Variants in TUT7 observed in about 807,000 individuals in gnomAD.
TUT7 encodes terminal uridylyl transferase 7.
TUT7 carries 33 observed loss-of-function variants against 165.9 expected under a neutral mutation model. That is an observed-to-expected ratio of 0.20 (90% confidence interval 0.15 to 0.27). The LOEUF is 0.27. Among genes scored for constraint, TUT7 ranks in the 10% least tolerant of loss-of-function variants. The probability of loss-of-function intolerance (pLI) is 1.00; values close to 1 mark genes in which losing one functional copy is unlikely to be tolerated. For synonymous variants in TUT7, 552 were observed against 608.1 expected, an observed-to-expected ratio of 0.91 and a Z score of 1.36; for missense variants, 1,338 against 1,762.3, an observed-to-expected ratio of 0.76 and a Z score of 4.31.
intron 10 of TUT7, among the ~76,000 whole-genome samples, chr9:86,334,919 T>C (rs917427353): frequency 1.8e-4 from 27 of 152,182 alleles, no homozygotes; most frequent in African/African-American, 6.5e-4. Flanking sequence ...GTTGGTCATT[T>C]GCTCCAAGTT....
rs774773005 is a variant in TUT7, at chr9:86,346,341, A to G, written c.660T>C (p.Ala220=). The G allele has an allele frequency of 1.2e-6, 2 of 1,614,058 alleles. No homozygotes were observed. Among genetic ancestry groups the G allele is most frequent in the East Asian group, 2.2e-5 (1 of 44,868 alleles). The change falls in exon 3 of 27, where the codon GCT becomes GCC. Residue 220 remains alanine, a synonymous_variant. Coordinates refer to ENST00000375963, the MANE Select transcript of TUT7 (RefSeq NM_024617.4). ...TGCAGTCTCTCTTCAGTCTCTCCTC[A>G]GCCTGCTGTAAGCCTAGCAGCTCCT... is the stretch of plus-strand genomic sequence containing the variant. ...STKELLGLQQ[A]EERLKRDCID...
chr9:86,337,471 A>G lies in TUT7; in HGVS notation c.1403T>C (p.Phe468Ser), dbSNP rs1830903387. The G allele has an allele frequency of 1.2e-6, 2 of 1,613,996 alleles. No homozygotes were observed. The highest frequency in any genetic ancestry group is 2.2e-5 in the East Asian group (1 of 44,842). The stretch of plus-strand genomic sequence containing the variant: ...GGGTTCTTTCCTCTGCTGAAGAAAG[A>G]AAATGGCCATCAGGGCAAACACATA... ...PPYVFALMAI[F>S]FLQQRKEPLL... The change falls in exon 10 of 27, where the codon TTC (phenylalanine) becomes TCC (serine). Residue 468 changes from phenylalanine (F) to serine (S), a missense_variant. Phe to Ser is a radical substitution (Grantham distance 155). Coordinates refer to ENST00000375963, the MANE Select transcript of TUT7 (RefSeq NM_024617.4).
chr9:86,340,899 A>G, intron 7 of TUT7, 103 bp downstream of exon 7: 1 of 874,766 alleles, frequency 1.1e-6, no homozygotes, highest in Non-Finnish European at 1.8e-6. Context: ...ACCCACATAA[A>G]TAATTTTAAA....
In TUT7 at chr9:86,308,412, T is replaced by G; in HGVS notation, c.3838+17A>C. On this transcript the variant is annotated intron_variant, in intron 22 of 26. Transcript: ENST00000375963. Reference sequence around the variant, plus strand: ...GCTCTATAGTCTATTCGACTTCAAGTTTAATTTTATTCGTACCTTCAATAA... The same window carrying G: ...GCTCTATAGTCTATTCGACTTCAAGGTTAATTTTATTCGTACCTTCAATAA... 6.2e-7 allele frequency: 1 copy of G among 1,604,982 alleles called. No homozygotes were observed.
At chr9:86,297,322 C>T (rs1826414209) in intron 26 of TUT7, among the ~76,000 whole-genome samples, 1 of 152,138 alleles carries the variant, frequency 6.6e-6, no homozygotes, top group African/African-American at 2.4e-5. Flanking sequence ...TTCTCAACAT[C>T]CCTGTCAGGT....
chr9:86,299,313 GA>G (rs1290419946), intron 26 of TUT7, among the ~76,000 whole-genome samples: 8 of 152,136 alleles, frequency 5.3e-5, no homozygotes, highest in Admixed American at 1.3e-4. Context: ...ACTTTAAATT[GA>G]AAGCAGTAGC....
intron 25 of TUT7, 97 bp from the exon 26 acceptor site, chr9:86,301,698 A>C: frequency 6.6e-7 from 1 of 1,514,228 alleles, no homozygotes; most frequent in South Asian, 1.4e-5. Context: ...TAGATTTAAG[A>C]GATGACCAGG....
rs1220950152 is a variant in TUT7, at chr9:86,288,754, G to A, written c.4421-10C>T. 1 of 1,607,646 alleles carries A rather than the reference G, an allele frequency of 6.2e-7. No homozygotes were observed. The highest frequency in any genetic ancestry group is 8.5e-7 in the Non-Finnish European group (1 of 1,175,718). ...TTACTGGAAAGGCTACCTAGAGGAG[G>A]GGAAGAAACAAAACCCAATATAAAT... On this transcript the variant is annotated splice_polypyrimidine_tract_variant and intron_variant, in intron 26 of 26. Coordinates refer to ENST00000375963, the MANE Select transcript of TUT7 (RefSeq NM_024617.4).
chr9:86,350,577 A>G (rs528594678), intron 2 of TUT7, among the ~76,000 whole-genome samples: 10 of 152,314 alleles, frequency 6.6e-5, no homozygotes, highest in East Asian at 1.9e-4. Flanking sequence ...AGAGTCCCCA[A>G]TTTTAGTTCT....
intron 6 of TUT7, 96 bp downstream of exon 6, chr9:86,342,979 C>A: frequency 1.2e-6 from 1 of 854,824 alleles, no homozygotes; most frequent in Non-Finnish European, 1.8e-6. Flanking sequence ...CTTAAAATAT[C>A]TTCAAATATC....
At chr9:86,348,939 C>A (rs1446151580) in intron 2 of TUT7, among the ~76,000 whole-genome samples, 70 of 152,030 alleles carry the variant, frequency 4.6e-4, no homozygotes, top group Admixed American at 4.6e-3. Flanking sequence ...TAAAAACTGT[C>A]AAAATCTCAC....
In TUT7 at chr9:86,338,928, G is replaced by T; in HGVS notation, c.1230C>A (p.Ser410Arg). 1 of 1,608,694 alleles carries T rather than the reference G, an allele frequency of 6.2e-7. No individual in the cohort carries two copies. The highest frequency in any genetic ancestry group is 8.5e-7 in the Non-Finnish European group (1 of 1,177,490). ...EKQSGLLCKV[S>R]AGNENACLTT... ...TCAGACAAGCATTTTCATTTCCTGC[G>T]CTCACTTTACACAGAAGACCACTGG... The change falls in exon 9 of 27, where the codon AGC becomes AGA. Residue 410 changes from serine to arginine, a missense_variant. Around this residue, in one of 7 missense-constraint regions of TUT7, gnomAD observed 74 missense variants for 128.5 expected, o/e 0.58. Transcript: ENST00000375963.
chr9:86,295,533 T>G (rs189159216), intron 26 of TUT7, among the ~76,000 whole-genome samples: 1 of 152,244 alleles, frequency 6.6e-6, no homozygotes, highest in East Asian at 1.9e-4. Context: ...CATGATTAAA[T>G]AAACAATGGT....
intron 5 of TUT7, among the ~76,000 whole-genome samples, chr9:86,343,603 AC>A (rs1158847444): frequency 1.3e-5 from 2 of 152,196 alleles, no homozygotes; most frequent in African/African-American, 4.8e-5. Flanking sequence ...TTTAGAATGC[AC>A]CCATTGGTGT....
chr9:86,332,317 A>G (rs1034979727), intron 10 of TUT7, among the ~76,000 whole-genome samples: 4 of 152,200 alleles, frequency 2.6e-5, no homozygotes, highest in Non-Finnish European at 5.9e-5. Flanking sequence ...CACTGGATAA[A>G]GAAAATATGG....
At chr9:86,310,831 T>C (rs772252120) in intron 17 of TUT7, 22 bp from the exon 18 acceptor site, 1 of 1,325,916 alleles carries the variant, frequency 7.5e-7, no homozygotes, top group Non-Finnish European at 1.1e-6. Context: ...AATAAAATGT[T>C]ATCATTAAAT....
rs1323678948 is a variant in TUT7, at chr9:86,345,112, T to C, written c.862A>G (p.Thr288Ala). The C allele has an allele frequency of 2.5e-6, 4 of 1,613,524 alleles. No individual in the cohort carries two copies. The highest frequency in any genetic ancestry group is 3.3e-5 in the Admixed American group (2 of 59,908). The stretch of plus-strand genomic sequence containing the variant: ...CCAACTGCATTTATCTGGGAGGGTG[T>C]TGGTGGGGGTAACGTAGTGAGCAAC... The part of the protein sequence containing the change: ...EELLTTLPPP[T>A]PSQINAVGIA... Residue 288 changes from threonine (T) to alanine (A), a missense_variant, in exon 5 of 27, where the codon ACA (threonine) becomes GCA (alanine). By Grantham distance (58) the Thr-to-Ala change is moderately conservative (BLOSUM62 0). Coordinates refer to ENST00000375963, the MANE Select transcript of TUT7 (RefSeq NM_024617.4).
At chr9:86,294,308 G>C (rs1826126216) in intron 26 of TUT7, among the ~76,000 whole-genome samples, 1 of 149,374 alleles carries the variant, frequency 6.7e-6, no homozygotes, top group Non-Finnish European at 1.5e-5. Context: ...CAGAGAAGAG[G>C]AGAGGCAAAC....
At chr9:86,319,758 A>G in intron 14 of TUT7, 88 bp from the exon 15 acceptor site, 8 of 864,782 alleles carry the variant, frequency 9.3e-6, no homozygotes, top group Non-Finnish European at 1.2e-5. Flanking sequence ...TTAGAAAATA[A>G]AACTTACAAG....
Sources: gnomAD v4.1 joint callset for allele counts (sites outside exome capture counted in the v4.1 genomes callset) on GRCh38, gnomAD v4.1.1 for gene constraint, gnomAD v4.1.1 regional missense constraint, MANE v1.5 for transcripts, NCBI Gene and HGNC (gene_info 2026-07-23, HGNC 2026-07-21) for gene names.